Variants in CFAP54 observed in about 807,000 individuals in gnomAD.
CFAP54 encodes cilia and flagella associated protein 54.
In CFAP54, 290 loss-of-function variants were observed where a neutral mutation model predicts 370.4. The observed-to-expected ratio is 0.78, with a 90% CI of 0.71 to 0.86. CFAP54 has a LOEUF of 0.86. Among genes scored for constraint, CFAP54 ranks in the 40% least tolerant of loss-of-function variants. The probability of loss-of-function intolerance (pLI) is 0.00; values close to 1 mark genes in which losing one functional copy is unlikely to be tolerated. For missense variants in CFAP54, 3,399 were observed against 3,528.7 expected, an observed-to-expected ratio of 0.96 and a Z score of 0.93; for synonymous variants, 1,206 against 1,236.5, an observed-to-expected ratio of 0.98 and a Z score of 0.52.
At chr12:96,770,188 ATG>A (rs57662567) in intron 60 of CFAP54, among the ~76,000 whole-genome samples, 24,902 of 150,974 alleles carry the variant, frequency 0.16, 2,225 homozygotes, top group Middle Eastern at 0.28. Flanking sequence ...TGAAGGTGGG[ATG>A]TGTGTGTGTG....
intron 50 of CFAP54, among the ~76,000 whole-genome samples, chr12:96,738,122 G>C (rs912252265): frequency 2.6e-5 from 4 of 152,140 alleles, no homozygotes; most frequent in African/African-American, 9.7e-5. Context: ...GAACGAACGC[G>C]TTAGCAGTGG....
chr12:96,813,789 G>A (rs559871856), intron 64 of CFAP54, among the ~76,000 whole-genome samples: 4 of 152,272 alleles, frequency 2.6e-5, no homozygotes, highest in Non-Finnish European at 5.9e-5. Context: ...TTAGAGCAGC[G>A]GCTGTGGGGA....
At chr12:96,684,217 T>C (rs896497958) in intron 40 of CFAP54, among the ~76,000 whole-genome samples, 2 of 152,164 alleles carry the variant, frequency 1.3e-5, no homozygotes, top group South Asian at 2.1e-4. Flanking sequence ...TAGGATAACA[T>C]CCACATTTCT....
intron 32 of CFAP54, among the ~76,000 whole-genome samples, chr12:96,638,184 C>T (rs1002541470): frequency 7.3e-6 from 1 of 137,570 alleles, no homozygotes; most frequent in African/African-American, 2.7e-5. Context: ...TTAGCTGCAT[C>T]ATATATATAT....
intron 39 of CFAP54, among the ~76,000 whole-genome samples, chr12:96,664,779 A>ATATCTATATCTATATC (rs1565934497): frequency 9.4e-4 from 13 of 13,868 alleles, no homozygotes; most frequent in East Asian, 2.2e-3. Flanking sequence ...ATCTATATCT[A>ATATCTATATCTATATC]TATATATATA....
intron 66 of CFAP54, among the ~76,000 whole-genome samples, chr12:96,837,299 C>T (rs1959189278): frequency 6.6e-6 from 1 of 152,038 alleles, no homozygotes; most frequent in Admixed American, 6.6e-5. Context: ...CCTCATAGCC[C>T]CTATGACTCC....
intron 50 of CFAP54, among the ~76,000 whole-genome samples, chr12:96,736,918 G>A (rs574494749): frequency 1.3e-5 from 2 of 152,282 alleles, no homozygotes; most frequent in African/African-American, 4.8e-5. Flanking sequence ...AAGAGTACAG[G>A]CTCTGGGGCT....
At chr12:96,847,232 C>T (rs1302413179) in intron 66 of CFAP54, among the ~76,000 whole-genome samples, 2 of 152,140 alleles carry the variant, frequency 1.3e-5, no homozygotes, top group Admixed American at 1.3e-4. Context: ...CATGCCCTCT[C>T]CCAGTGAGCC....
intron 36 of CFAP54, among the ~76,000 whole-genome samples, chr12:96,654,294 G>A (rs1019902870): frequency 2.0e-5 from 3 of 152,152 alleles, no homozygotes; most frequent in Non-Finnish European, 4.4e-5. Context: ...GATGTCAGGA[G>A]ATCGAGACCA....
intron 58 of CFAP54, among the ~76,000 whole-genome samples, chr12:96,757,940 G>A (rs1958282856): frequency 2.6e-5 from 4 of 152,162 alleles, no homozygotes; most frequent in Admixed American, 2.6e-4. Context: ...GAAAATTCAA[G>A]AAATGACATA....
intron 32 of CFAP54, among the ~76,000 whole-genome samples, chr12:96,640,822 G>A (rs1260946924): frequency 2.0e-5 from 3 of 152,068 alleles, no homozygotes; most frequent in African/African-American, 7.2e-5. Context: ...ACAAGCAATG[G>A]GGAAAGGATT....
chr12:96,764,931 T>A, intron 59 of CFAP54, 146 bp from the exon 60 acceptor site: 1 of 531,684 alleles, frequency 1.9e-6, no homozygotes, highest in Non-Finnish European at 3.0e-6. Context: ...GATCACATAT[T>A]ATTTTTTCAG....
At chr12:96,674,307 A>G (rs1243040750) in intron 39 of CFAP54, among the ~76,000 whole-genome samples, 5 of 146,766 alleles carry the variant, frequency 3.4e-5, no homozygotes, top group African/African-American at 1.3e-4. Flanking sequence ...TCATTTCTAG[A>G]GTGGTACAAT....
At chr12:96,646,714 A>G (rs1956797001) in intron 33 of CFAP54, 1 of 152,272 alleles carries the variant, frequency 6.6e-6, no homozygotes, top group Admixed American at 6.5e-5. Flanking sequence ...AGTGTCCAAC[A>G]ATGATAGACT....
chr12:96,554,946 C>A, intron 17 of CFAP54, 144 bp downstream of exon 17: 2 of 632,746 alleles, frequency 3.2e-6, no homozygotes, highest in Non-Finnish European at 4.7e-6. Flanking sequence ...TAATTAATAT[C>A]AATAAAAACA....
intron 23 of CFAP54, among the ~76,000 whole-genome samples, chr12:96,589,820 C>T (rs1269556331): frequency 6.6e-6 from 1 of 152,116 alleles, no homozygotes; most frequent in Non-Finnish European, 1.5e-5. Flanking sequence ...GATCCTGGCT[C>T]ACTGCAACCT....
At chr12:96,836,616 C>T (rs901375785) in intron 66 of CFAP54, among the ~76,000 whole-genome samples, 2 of 152,166 alleles carry the variant, frequency 1.3e-5, no homozygotes, top group Non-Finnish European at 2.9e-5. Context: ...AACATCACTA[C>T]AGCGTAATAT....
Position 96,644,229 on chromosome 12 carries a change from C to G in CFAP54, c.4368C>G (p.Tyr1456Ter), listed in dbSNP as rs1367628051. Residue 1456 changes from tyrosine (Y) to a stop codon, truncating the protein, a stop_gained, in exon 33 of 68, where the codon TAC becomes TAG. Transcript: ENST00000524981. LOFTEE classifies it high-confidence loss of function. ...RKAAQRYLMD[Y>*]LNPLILSYVK... ...CAGCACAACGATACCTGATGGATTA[C>G]TTGAATCCTCTAATATTAAGTTATG... is the stretch of plus-strand genomic sequence containing the variant. 6.5e-7 allele frequency: 1 copy of G among 1,535,794 alleles called. No homozygotes were observed. The highest frequency in any genetic ancestry group is 1.4e-5 in the African/African-American group (1 of 73,040).
chr12:96,874,397 T>C (rs564281778), intron 67 of CFAP54, among the ~76,000 whole-genome samples: 3 of 152,182 alleles, frequency 2.0e-5, no homozygotes, highest in Non-Finnish European at 2.9e-5. Flanking sequence ...TTCTGCAGAA[T>C]AGAATGAGAG....
Sources: allele counts gnomAD v4.1 joint callset (sites outside exome capture counted in the v4.1 genomes callset), GRCh38; gene constraint gnomAD v4.1.1; transcripts MANE v1.5; gene names NCBI Gene and HGNC (gene_info 2026-07-23, HGNC 2026-07-21).